The following NSFL1C variants were observed in gnomAD, a reference collection of about 807,000 sequenced individuals.
NSFL1C encodes NSFL1 cofactor p47.
In NSFL1C, 14 loss-of-function variants were observed where a neutral mutation model predicts 43.1. The observed-to-expected ratio is 0.32, with a 90% confidence interval of 0.21 to 0.51. The LOEUF is 0.51. NSFL1C is among the 20% of genes least tolerant of loss of function. The probability of loss-of-function intolerance (pLI) is 0.98; values close to 1 mark genes in which losing one functional copy is unlikely to be tolerated. For synonymous variants in NSFL1C, 171 were observed against 183.5 expected (o/e 0.93, Z 0.55); for missense variants, 406 against 472.5 (o/e 0.86, Z 1.30).
chr20:1,457,836 A>C, intron 3 of NSFL1C: 1 of 199,010 alleles, frequency 5.0e-6, no homozygotes, highest in South Asian at 1.0e-4. Flanking sequence ...CTGGTAAGAC[A>C]CTTATGCTGA....
intron 7 of NSFL1C, 56 bp downstream of exon 7, chr20:1,452,437 C>T (rs1291638690): frequency 1.9e-6 from 3 of 1,594,412 alleles, no homozygotes; most frequent in Non-Finnish European, 2.6e-6. Flanking sequence ...ACAGGGTCTG[C>T]TGGGCTTGGC....
chr20:1,454,838 T>A (rs955622918), intron 4 of NSFL1C, 129 bp downstream of exon 4: 2 of 979,598 alleles, frequency 2.0e-6, no homozygotes, highest in Non-Finnish European at 3.1e-6. Flanking sequence ...TACACTCGTG[T>A]TCCGCACAGA....
In NSFL1C at chr20:1,466,843, C is replaced by G. The variant is rs1487121052; in HGVS notation, c.-19G>C. 6.6e-7 allele frequency: 1 copy of G among 1,518,446 alleles called. No individual in the cohort carries two copies. The highest frequency in any genetic ancestry group is 1.2e-5 in the South Asian group (1 of 81,832). The allele number at this position is 1,518,446 out of a possible 1,614,324, so 94.1% of individuals were successfully genotyped here. ...CCGCCATCTTCGCCCCGTGCGCCTT[C>G]CAAAGCGCTCCGGCGGCCGCCGCAC... On this transcript the variant is annotated 5_prime_UTR_variant, in exon 1 of 9. Transcript: ENST00000216879.
chr20:1,462,291 C>T (rs545005911), intron 2 of NSFL1C, among the ~76,000 whole-genome samples: 2 of 152,256 alleles, frequency 1.3e-5, no homozygotes, highest in South Asian at 4.1e-4. Context: ...TTGGTTTTTC[C>T]TGAGAATGTA....
chr20:1,448,395 G>A (rs1013252810), intron 7 of NSFL1C, among the ~76,000 whole-genome samples: 1 of 152,202 alleles, frequency 6.6e-6, no homozygotes, highest in African/African-American at 2.4e-5. Flanking sequence ...CTGTTGTGAG[G>A]ATGAGACGAG....
chr20:1,451,110 G>A (rs1450987232), intron 7 of NSFL1C, among the ~76,000 whole-genome samples: 4 of 152,036 alleles, frequency 2.6e-5, no homozygotes, highest in African/African-American at 9.7e-5. Flanking sequence ...AAAAAATTAG[G>A]TGCCCTATAA....
At chr20:1,455,563 G>A (rs112165075) in intron 3 of NSFL1C, 16 of 729,554 alleles carry the variant, frequency 2.2e-5, no homozygotes, top group African/African-American at 1.2e-4. Flanking sequence ...TAGTGACTTG[G>A]GGTTAATGGT....
At chr20:1,455,738 G>C (rs1236274479) in intron 3 of NSFL1C, 1 of 779,374 alleles carries the variant, frequency 1.3e-6, no homozygotes, top group South Asian at 1.3e-5. Flanking sequence ...AGAGCCGTGA[G>C]GTTCAAATCA....
At chr20:1,446,316 T>C (rs1356666818) in intron 7 of NSFL1C, among the ~76,000 whole-genome samples, 1 of 152,086 alleles carries the variant, frequency 6.6e-6, no homozygotes, top group Non-Finnish European at 1.5e-5. Context: ...TCCAGATTCT[T>C]CTTCTGTGAT....
Position 1,445,737 on chromosome 20 carries a change from C to T in NSFL1C, c.879G>A (p.Glu293=), listed in dbSNP as rs1169741243. 1 of 1,614,058 alleles carries T rather than the reference C, an allele frequency of 6.2e-7. No individual in the cohort carries two copies. Among genetic ancestry groups the T allele is most frequent in the East Asian group, 2.2e-5 (1 of 44,878 alleles). Residue 293 remains glutamate, a synonymous_variant, in exon 8 of 9, where the codon GAG becomes GAA. Coordinates refer to ENST00000216879, the MANE Select transcript of NSFL1C (RefSeq NM_016143.5). ...GCCGAATTTGGATGTTTGTGGTAGGCTCTGATTCGTCGATTAAGATGGAAG... is the reference window on the plus strand; with the variant it reads ...GCCGAATTTGGATGTTTGTGGTAGGTTCTGATTCGTCGATTAAGATGGAAG... ...ASSSILIDES[E]PTTNIQIRLA...
intron 7 of NSFL1C, 64 bp from the exon 8 acceptor site, chr20:1,445,894 CT>C: frequency 6.5e-7 from 1 of 1,531,064 alleles, no homozygotes; most frequent in East Asian, 2.3e-5. Flanking sequence ...AAGGGAATCC[CT>C]TCTTGGACTG....
intron 7 of NSFL1C, chr20:1,446,215 A>G: frequency 3.4e-6 from 1 of 298,358 alleles, no homozygotes; most frequent in South Asian, 2.8e-5. Context: ...TTTTAGCCTC[A>G]ATGGAGTGGT....
intron 1 of NSFL1C, among the ~76,000 whole-genome samples, chr20:1,465,935 A>T (rs959813): frequency 0.14 from 21,099 of 152,228 alleles, 1,751 homozygotes; most frequent in African/African-American, 0.22. Flanking sequence ...CAGTCAGAAC[A>T]GCGCTTGGCT....
intron 2 of NSFL1C, among the ~76,000 whole-genome samples, chr20:1,460,141 C>A (rs1029578207): frequency 2.6e-5 from 4 of 152,172 alleles, no homozygotes; most frequent in Admixed American, 6.5e-5. Context: ...GTAAATAAGA[C>A]AATCACAGCA....
At chr20:1,447,766 G>A (rs2090093461) in intron 7 of NSFL1C, among the ~76,000 whole-genome samples, 1 of 151,866 alleles carries the variant, frequency 6.6e-6, no homozygotes, top group Non-Finnish European at 1.5e-5. Context: ...TATCAGTTAA[G>A]GGGGTGGGGA....
At chr20:1,456,423 A>G (rs2090301578) in intron 3 of NSFL1C, 2 of 152,274 alleles carry the variant, frequency 1.3e-5, no homozygotes, top group Non-Finnish European at 1.5e-5. Context: ...GTCGGTGTGA[A>G]GGTCACAATA....
At chr20:1,446,752 TCC>T (rs749053158) in intron 7 of NSFL1C, among the ~76,000 whole-genome samples, 7 of 152,112 alleles carry the variant, frequency 4.6e-5, no homozygotes, top group Non-Finnish European at 8.8e-5. Flanking sequence ...TCCACTTCAC[TCC>T]CAGTCTTTCT....
chr20:1,464,324 C>G lies in NSFL1C; in HGVS notation c.203+5G>C. ...CATGTAGCGATAATTGAAGCTGGCCCTTACCTGGGGGCTGTGCCTCTGGAC... is the reference window on the plus strand; with the variant it reads ...CATGTAGCGATAATTGAAGCTGGCCGTTACCTGGGGGCTGTGCCTCTGGAC... On this transcript the variant is annotated splice_donor_5th_base_variant and intron_variant, in intron 2 of 8. Coordinates refer to ENST00000216879, the MANE Select transcript of NSFL1C (RefSeq NM_016143.5). 1.2e-6 allele frequency: 2 copies of G among 1,613,576 alleles called. No individual in the cohort carries two copies. Among genetic ancestry groups the G allele is most frequent in the Non-Finnish European group, 1.7e-6 (2 of 1,179,466 alleles).
intron 2 of NSFL1C, among the ~76,000 whole-genome samples, chr20:1,462,775 G>C (rs9679863): frequency 1.3e-5 from 2 of 151,920 alleles, no homozygotes. Context: ...CACCAGTCTC[G>C]GCCTCCCAAA....
Sources: gnomAD v4.1 joint callset for allele counts (sites outside exome capture counted in the v4.1 genomes callset) on GRCh38, gnomAD v4.1.1 for gene constraint, MANE v1.5 for transcripts, NCBI Gene and HGNC (gene_info 2026-07-23, HGNC 2026-07-21) for gene names.